The following DACH2 variants were observed in gnomAD, a reference collection of about 807,000 sequenced individuals.
The protein encoded by DACH2 is dachshund homolog 2.
DACH2 carries 17 observed loss-of-function variants against 35.8 expected under a neutral mutation model. That is an observed-to-expected ratio of 0.48 (90% confidence interval 0.33 to 0.71). The LOEUF (loss-of-function observed/expected upper bound fraction) is 0.71. Ranked by LOEUF, DACH2 falls within the 30% of genes least tolerant of loss-of-function variation. DACH2 has a pLI of 0.02. For missense variants in DACH2, 469 were observed against 472.7 expected (o/e 0.99, Z 0.07); for synonymous variants, 195 against 177.3 (o/e 1.10, Z -0.79).
intron 1 of DACH2, among the ~76,000 whole-genome samples, chrX:86,223,621 C>A (rs1187003028): frequency 2.7e-5 from 3 of 111,670 alleles, no homozygotes; most frequent in East Asian, 5.6e-4. Flanking sequence ...TTAAACAAAA[C>A]CCTCTTTCTT....
chrX:86,496,775 G>T (rs2148251986), intron 2 of DACH2, among the ~76,000 whole-genome samples: 1 of 110,326 alleles, frequency 9.1e-6, no homozygotes, highest in South Asian at 3.9e-4. Flanking sequence ...AACCTAAATG[G>T]CTTGAAAGAG....
intron 4 of DACH2, among the ~76,000 whole-genome samples, chrX:86,656,583 C>T (rs2040542476): frequency 9.1e-6 from 1 of 109,362 alleles, no homozygotes; most frequent in Admixed American, 9.9e-5. Flanking sequence ...AGAGATGCAG[C>T]TGATAAAGGA....
intron 3 of DACH2, among the ~76,000 whole-genome samples, chrX:86,560,400 A>T (rs2039196590): frequency 1.1e-5 from 1 of 91,846 alleles, no homozygotes; most frequent in Non-Finnish European, 2.1e-5. Flanking sequence ...AACTTTGGTG[A>T]ATCTGACAAT....
At chrX:86,733,040 T>G (rs1208426435) in intron 6 of DACH2, among the ~76,000 whole-genome samples, 2 of 111,649 alleles carry the variant, frequency 1.8e-5, no homozygotes, top group Non-Finnish European at 3.8e-5. Context: ...AAATTTGACC[T>G]GGTTGGTGTT....
rs73228656 is a variant in DACH2 at position 86,825,666 on chromosome X, T to G, written c.1751-6440T>G. On this transcript the variant is annotated intron_variant, in intron 11 of 11. Transcript: ENST00000373125. ...CATACGTGTTAGTTTTTATTTATTC[T>G]TCTCTCCCTTTCTCTCTCTTCTCAG... Among the ~76,000 whole-genome samples, 920 of 111,717 alleles carry G rather than the reference T, an allele frequency of 8.2e-3. 5 individuals carry two copies. Among genetic ancestry groups the G allele is most frequent in the Non-Finnish European group, 0.013 (704 of 53,131 alleles).
chrX:86,271,074 A>G (rs1045161781), intron 1 of DACH2, among the ~76,000 whole-genome samples: 4 of 111,948 alleles, frequency 3.6e-5, no homozygotes, highest in African/African-American at 9.7e-5. Context: ...TACAGAACTC[A>G]TAGTCTTTTG....
chrX:86,254,781 A>ATATATATAT (rs1556004270), intron 1 of DACH2, among the ~76,000 whole-genome samples: 360 of 22,515 alleles, frequency 0.016, 17 homozygotes, highest in East Asian at 0.034. Context: ...CAAATAAATA[A>ATATATATAT]ATATATATAT....
At chrX:86,381,833 G>T (rs776885205) in intron 2 of DACH2, among the ~76,000 whole-genome samples, 1 of 110,678 alleles carries the variant, frequency 9.0e-6, no homozygotes, top group Non-Finnish European at 1.9e-5. Context: ...TTCAAGGACA[G>T]TTAGGGGTGG....
intron 1 of DACH2, among the ~76,000 whole-genome samples, chrX:86,315,034 G>A (rs745488820): frequency 1.8e-5 from 2 of 112,433 alleles, no homozygotes; most frequent in African/African-American, 6.4e-5. Context: ...GGAAAAACAT[G>A]CTGTCTAGAA....
chrX:86,332,550 G>A (rs1211138642), intron 1 of DACH2, among the ~76,000 whole-genome samples: 2 of 110,968 alleles, frequency 1.8e-5, no homozygotes, highest in Admixed American at 9.6e-5. Flanking sequence ...ATTTTTGTAT[G>A]TGTGTATTCA....
chrX:86,366,793 C>G (rs2035812951), intron 1 of DACH2, among the ~76,000 whole-genome samples: 1 of 109,305 alleles, frequency 9.1e-6, no homozygotes, highest in African/African-American at 3.3e-5. Flanking sequence ...GCGACCCCAC[C>G]CCCCTTTTTG....
At chrX:86,166,435 T>C (rs1423843617) in intron 1 of DACH2, among the ~76,000 whole-genome samples, 1 of 112,012 alleles carries the variant, frequency 8.9e-6, no homozygotes, top group Non-Finnish European at 1.9e-5. Flanking sequence ...CTTTACTTAA[T>C]TTGTTTATCA....
At chrX:86,193,988 A>G (rs893672046) in intron 1 of DACH2, among the ~76,000 whole-genome samples, 3 of 109,650 alleles carry the variant, frequency 2.7e-5, no homozygotes, top group African/African-American at 9.9e-5. Context: ...ATTCACGTCA[A>G]CTCTGCTGTT....
intron 2 of DACH2, among the ~76,000 whole-genome samples, chrX:86,407,118 C>A (rs886196310): frequency 9.0e-6 from 1 of 111,611 alleles, no homozygotes; most frequent in Non-Finnish European, 1.9e-5. Context: ...ATGCAATAAT[C>A]AAATAAAACA....
In DACH2 at chrX:86,196,721, A is replaced by G. The variant is rs1314560401; in HGVS notation, c.488+47613A>G. 5.5e-5 allele frequency among the ~76,000 whole-genome samples: 5 copies of G among 91,076 alleles called. 1 individual carries two copies. The South Asian group carries it at 2.2e-3, about 40-fold the overall frequency. The allele number at this position is 91,076 out of a possible 115,157, so 79.1% of individuals were successfully genotyped here. ...AAAAAAAAAAAAAAAAAAAAAAAAGAAAAGGAACAAACAAAATCTCCTAGA... is the reference window on the plus strand; with the variant it reads ...AAAAAAAAAAAAAAAAAAAAAAAAGGAAAGGAACAAACAAAATCTCCTAGA... On this transcript the variant is annotated intron_variant, in intron 1 of 11. Transcript: ENST00000373125.
At chrX:86,445,398 A>G (rs973004630) in intron 2 of DACH2, among the ~76,000 whole-genome samples, 4 of 93,590 alleles carry the variant, frequency 4.3e-5, no homozygotes, top group Non-Finnish European at 8.5e-5. Context: ...TGGGAGATAT[A>G]CCTAATGCTA....
At chrX:86,325,072 TA>T (rs2035088556) in intron 1 of DACH2, among the ~76,000 whole-genome samples, 1 of 86,222 alleles carries the variant, frequency 1.2e-5, no homozygotes, top group South Asian at 6.8e-4. Flanking sequence ...AGTGTAAACA[TA>T]ACTTTTCTAT....
intron 4 of DACH2, among the ~76,000 whole-genome samples, chrX:86,671,491 G>C (rs758565859): frequency 9.0e-6 from 1 of 111,068 alleles, no homozygotes; most frequent in Admixed American, 9.6e-5. Context: ...TCTCATGATA[G>C]TGAGTGAGAT....
intron 2 of DACH2, among the ~76,000 whole-genome samples, chrX:86,401,401 G>A (rs911061022): frequency 7.1e-5 from 8 of 111,908 alleles, no homozygotes; most frequent in South Asian, 3.7e-4. Context: ...CCCACTGTCC[G>A]GCACTCCCCA....
Sources: allele counts gnomAD v4.1 joint callset (sites outside exome capture counted in the v4.1 genomes callset), GRCh38; gene constraint gnomAD v4.1.1; transcripts MANE v1.5; gene names NCBI Gene and HGNC (gene_info 2026-07-23, HGNC 2026-07-21).